Variants in DRD2 observed in about 807,000 individuals in gnomAD.
The protein encoded by DRD2 is D(2) dopamine receptor.
In DRD2, 8 loss-of-function variants were observed where a neutral mutation model predicts 38.0. The observed-to-expected ratio is 0.21, with a 90% confidence interval of 0.12 to 0.38. The LOEUF (loss-of-function observed/expected upper bound fraction) is 0.38. Among genes scored for constraint, DRD2 ranks in the 10% least tolerant of loss-of-function variants. The pLI, the probability that DRD2 is intolerant of heterozygous loss-of-function variation, is 1.00. For synonymous variants in DRD2, 230 were observed against 238.6 expected (o/e 0.96, Z 0.33); for missense variants, 403 against 607.7 (o/e 0.66, Z 3.54).
At chr11:113,444,527 A>G (rs748806920) in intron 1 of DRD2, among the ~76,000 whole-genome samples, 16 of 152,212 alleles carry the variant, frequency 1.1e-4, no homozygotes, top group Non-Finnish European at 2.1e-4. Context: ...ACTGGCCAGC[A>G]TATCAGCTTT....
intron 1 of DRD2, among the ~76,000 whole-genome samples, chr11:113,472,818 T>C (rs961818061): frequency 6.6e-6 from 1 of 152,120 alleles, no homozygotes; most frequent in African/African-American, 2.4e-5. Flanking sequence ...TTGACCCCCA[T>C]AGAGGGACAG....
intron 1 of DRD2, among the ~76,000 whole-genome samples, chr11:113,458,727 G>A (rs76499333): frequency 0.064 from 9,757 of 152,202 alleles, 356 homozygotes; most frequent in East Asian, 0.14. Flanking sequence ...TGGCACTGTG[G>A]ACTATACTTC....
At chr11:113,472,126 T>C (rs947856168) in intron 1 of DRD2, among the ~76,000 whole-genome samples, 1 of 152,248 alleles carries the variant, frequency 6.6e-6, no homozygotes, top group Non-Finnish European at 1.5e-5. Flanking sequence ...TCTCATCATA[T>C]CTGTCTCTCC....
At chr11:113,449,392 T>C (rs1951187298) in intron 1 of DRD2, among the ~76,000 whole-genome samples, 1 of 152,142 alleles carries the variant, frequency 6.6e-6, no homozygotes. Context: ...GAAACTGAGA[T>C]GCCCTGGGAA....
chr11:113,474,666 C>T (rs985809232), intron 1 of DRD2, among the ~76,000 whole-genome samples: 2 of 152,014 alleles, frequency 1.3e-5, no homozygotes, highest in African/African-American at 4.8e-5. Flanking sequence ...AAACTCTGGC[C>T]GCGAGCCCCG....
intron 1 of DRD2, among the ~76,000 whole-genome samples, chr11:113,462,184 G>A (rs945722862): frequency 1.3e-5 from 2 of 152,204 alleles, no homozygotes; most frequent in African/African-American, 4.8e-5. Context: ...GACTAGGAAG[G>A]AAAACAGTCC....
At chr11:113,457,582 C>T (rs1325226555) in intron 1 of DRD2, among the ~76,000 whole-genome samples, 2 of 152,052 alleles carry the variant, frequency 1.3e-5, no homozygotes, top group Non-Finnish European at 2.9e-5. Flanking sequence ...ACCACCCCCC[C>T]GACCCCCCAC....
intron 1 of DRD2, among the ~76,000 whole-genome samples, chr11:113,453,738 C>T (rs1030401829): frequency 6.6e-6 from 1 of 152,186 alleles, no homozygotes; most frequent in Admixed American, 6.5e-5. Context: ...GGGTTGTCCC[C>T]CCAGGCTGGA....
At chr11:113,422,462 G>C (rs895832135) in intron 2 of DRD2, among the ~76,000 whole-genome samples, 5 of 152,198 alleles carry the variant, frequency 3.3e-5, no homozygotes, top group African/African-American at 9.7e-5. Flanking sequence ...TATGGTCTGA[G>C]ACCTAGGACC....
At chr11:113,414,074 T>C in intron 6 of DRD2, 1 of 418,302 alleles carries the variant, frequency 2.4e-6, no homozygotes, top group Non-Finnish European at 4.5e-6. Flanking sequence ...GTGGTGAGGA[T>C]TTGATGAGAT....
At chr11:113,413,076 T>A in intron 6 of DRD2, among the ~76,000 whole-genome samples, 193 bp from the exon 7 acceptor site, 1 of 151,670 alleles carries the variant, frequency 6.6e-6, no homozygotes, top group African/African-American at 2.4e-5. Context: ...ATTGCCCCTG[T>A]CCTTTTTCCC....
rs104894220 is a variant in DRD2, at chr11:113,416,935, C to T, written c.460G>A (p.Val154Ile). 3.0e-5 allele frequency: 48 copies of T among 1,614,034 alleles called. No homozygotes were observed. Among genetic ancestry groups the T allele is most frequent in the African/African-American group, 1.3e-4 (10 of 74,940 alleles). The stretch of plus-strand genomic sequence containing the variant: ...AGGACCCAGACGATGGAGATCATGA[C>T]GGTGACCCGGCGCTTGGAGCTGTAG... ...TRYSSKRRVT[V>I]MISIVWVLSF... is the part of the protein sequence containing the mutation. The change falls in exon 4 of 8, where the codon GTC becomes ATC. Residue 154 changes from valine to isoleucine, a missense_variant. Val to Ile is a conservative substitution (Grantham distance 29). Around this residue, in one of 4 missense-constraint regions of DRD2, gnomAD observed 162 missense variants for 254.5 expected, o/e 0.64. Coordinates refer to ENST00000362072, the MANE Select transcript of DRD2 (RefSeq NM_000795.4).
chr11:113,435,372 G>T (rs1459621241), intron 1 of DRD2, among the ~76,000 whole-genome samples: 1 of 152,010 alleles, frequency 6.6e-6, no homozygotes, highest in South Asian at 2.1e-4. Context: ...GCTGAGCGGG[G>T]TGGTGGCGGT....
intron 1 of DRD2, among the ~76,000 whole-genome samples, chr11:113,434,738 A>C (rs151204302): frequency 1.3e-5 from 2 of 152,160 alleles, no homozygotes; most frequent in Non-Finnish European, 2.9e-5. Flanking sequence ...GGTTGGCAGC[A>C]CCCTGTGGGA....
intron 1 of DRD2, among the ~76,000 whole-genome samples, chr11:113,433,790 G>T (rs555845800): frequency 1.3e-5 from 2 of 152,264 alleles, no homozygotes; most frequent in Admixed American, 1.3e-4. Context: ...CTTGAGGTTG[G>T]CAACCCGGGT....
At chr11:113,453,922 G>A (rs1423128971) in intron 1 of DRD2, among the ~76,000 whole-genome samples, 2 of 152,204 alleles carry the variant, frequency 1.3e-5, no homozygotes, top group African/African-American at 4.8e-5. Flanking sequence ...GTTACCCAGA[G>A]TCCTTTTGAT....
chr11:113,421,409 T>A (rs1344238855), intron 2 of DRD2, among the ~76,000 whole-genome samples: 3 of 152,138 alleles, frequency 2.0e-5, no homozygotes, highest in Admixed American at 6.5e-5. Flanking sequence ...AGTGAATGAA[T>A]AACTCTGAGA....
At chr11:113,419,319 C>T (rs1565662287) in intron 2 of DRD2, among the ~76,000 whole-genome samples, 2 of 152,234 alleles carry the variant, frequency 1.3e-5, no homozygotes, top group South Asian at 2.1e-4. Flanking sequence ...GGCTAGTGCT[C>T]GAGGAACACC....
intron 2 of DRD2, among the ~76,000 whole-genome samples, chr11:113,422,254 C>T (rs1950892656): frequency 6.6e-6 from 1 of 152,230 alleles, no homozygotes; most frequent in Non-Finnish European, 1.5e-5. Flanking sequence ...TGTCTATTGT[C>T]ATCTTCATCT....
Sources: gnomAD v4.1 joint callset for allele counts (sites outside exome capture counted in the v4.1 genomes callset) on GRCh38, gnomAD v4.1.1 for gene constraint, gnomAD v4.1.1 regional missense constraint, MANE v1.5 for transcripts, NCBI Gene and HGNC (gene_info 2026-07-23, HGNC 2026-07-21) for gene names.